The following SGCZ variants were observed in gnomAD, a reference collection of about 807,000 sequenced individuals.
The protein encoded by SGCZ is sarcoglycan zeta, also known as zeta-sarcoglycan.
Under a neutral mutation model 41.3 loss-of-function variants are expected in SGCZ, and 40 were observed. The ratio of observed to expected loss-of-function variants is 0.97; its 90% CI spans 0.75 to 1.26. The LOEUF is 1.26. SGCZ is among the 50% of genes most tolerant of loss of function. The probability of loss-of-function intolerance (pLI) is 0.00; values close to 1 mark genes in which losing one functional copy is unlikely to be tolerated. For synonymous variants in SGCZ, 206 were observed against 137.5 expected (o/e 1.50, Z -3.49); for missense variants, 552 against 369.8 (o/e 1.49, Z -4.04).
intron 2 of SGCZ, among the ~76,000 whole-genome samples, chr8:14,470,825 T>A (rs576362159): frequency 1.3e-5 from 2 of 152,302 alleles, no homozygotes; most frequent in East Asian, 3.9e-4. Context: ...TGCTTTGCCA[T>A]AGTCCTCCAC....
At chr8:14,454,144 A>G (rs1266405658) in intron 2 of SGCZ, among the ~76,000 whole-genome samples, 1 of 152,182 alleles carries the variant, frequency 6.6e-6, no homozygotes, top group East Asian at 1.9e-4. Context: ...ATGCACCTTC[A>G]GATATTCTGT....
chr8:14,872,843 A>C (rs28698884), intron 1 of SGCZ, among the ~76,000 whole-genome samples: 30,937 of 152,108 alleles, frequency 0.2, 3,532 homozygotes, highest in Admixed American at 0.29. Flanking sequence ...ACACTGACTT[A>C]ACCATAGTAG....
intron 1 of SGCZ, among the ~76,000 whole-genome samples, chr8:14,797,495 T>A (rs541953832): frequency 6.6e-6 from 1 of 152,158 alleles, no homozygotes; most frequent in East Asian, 1.9e-4. Flanking sequence ...GCAGAAGAAA[T>A]CTCTAAGTGG....
At chr8:15,223,883 G>C (rs983310999) in intron 1 of SGCZ, among the ~76,000 whole-genome samples, 8 of 114,884 alleles carry the variant, frequency 7.0e-5, no homozygotes, top group African/African-American at 3.0e-4. Context: ...TTTATTTATT[G>C]AGACAGAGTC....
At chr8:14,877,001 G>A (rs1804385701) in intron 1 of SGCZ, among the ~76,000 whole-genome samples, 1 of 152,102 alleles carries the variant, frequency 6.6e-6, no homozygotes, top group South Asian at 2.1e-4. Flanking sequence ...TTGAGACAGA[G>A]TCTCACCCTG....
At chr8:15,144,830 T>C (rs896101688) in intron 1 of SGCZ, among the ~76,000 whole-genome samples, 4 of 152,210 alleles carry the variant, frequency 2.6e-5, no homozygotes, top group Non-Finnish European at 5.9e-5. Flanking sequence ...TAGGGACACA[T>C]TAATTTTAAT....
At chr8:14,602,308 T>C (rs1805619397) in intron 1 of SGCZ, among the ~76,000 whole-genome samples, 2 of 152,102 alleles carry the variant, frequency 1.3e-5, no homozygotes, top group South Asian at 4.2e-4. Context: ...TTTATGACAG[T>C]GAGGTAAACT....
chr8:14,954,309 G>A lies in SGCZ; in HGVS notation c.39+283276C>T, dbSNP rs565498700. ...CAAAATAACATGAAAATTGATCAAA[G>A]ATTTGGAATTACACACAGCTACAGA... On this transcript the variant is annotated intron_variant, in intron 1 of 7. Transcript: ENST00000382080. Among the ~76,000 whole-genome samples, 134 of 152,276 alleles carry A rather than the reference G, an allele frequency of 8.8e-4. 2 individuals are homozygous for A. Among genetic ancestry groups the A allele is most frequent in the African/African-American group, 3.2e-3 (131 of 41,570 alleles).
chr8:14,895,485 T>C (rs1229736687), intron 1 of SGCZ, among the ~76,000 whole-genome samples: 1 of 152,096 alleles, frequency 6.6e-6, no homozygotes. Flanking sequence ...TGATAAGAAA[T>C]TCAAAGATGA....
intron 3 of SGCZ, among the ~76,000 whole-genome samples, chr8:14,314,841 G>T (rs12541209): frequency 0.67 from 101,324 of 151,908 alleles, 34,549 homozygotes; most frequent in Non-Finnish European, 0.76. Flanking sequence ...GAATGCTACC[G>T]TTTCTATGTT....
chr8:15,129,724 A>AAAAAT (rs1418975028), intron 1 of SGCZ, among the ~76,000 whole-genome samples: 1 of 151,624 alleles, frequency 6.6e-6, no homozygotes, highest in African/African-American at 2.4e-5. Flanking sequence ...AAAAAAAAAA[A>AAAAAT]ATCACAGTTC....
chr8:14,125,700 G>T (rs144951061), intron 5 of SGCZ, among the ~76,000 whole-genome samples: 1 of 152,058 alleles, frequency 6.6e-6, no homozygotes. Context: ...GACAAAGCTG[G>T]AGGCATCACA....
At chr8:15,012,403 C>G (rs182076589) in intron 1 of SGCZ, among the ~76,000 whole-genome samples, 1 of 149,906 alleles carries the variant, frequency 6.7e-6, no homozygotes, top group South Asian at 2.1e-4. Flanking sequence ...GTTCATGCTG[C>G]AGTGAGCTAT....
intron 4 of SGCZ, among the ~76,000 whole-genome samples, chr8:14,210,036 C>G (rs1486043037): frequency 6.6e-6 from 1 of 151,690 alleles, no homozygotes; most frequent in Non-Finnish European, 1.5e-5. Flanking sequence ...TTGTTATCTA[C>G]ACTATTAAGT....
At chr8:15,050,136 A>G (rs1207759774) in intron 1 of SGCZ, among the ~76,000 whole-genome samples, 1 of 152,186 alleles carries the variant, frequency 6.6e-6, no homozygotes, top group African/African-American at 2.4e-5. Context: ...ATTTACACGT[A>G]CAGTCTGTGT....
At chr8:14,444,377 G>T (rs979786503) in intron 2 of SGCZ, among the ~76,000 whole-genome samples, 3 of 152,022 alleles carry the variant, frequency 2.0e-5, no homozygotes, top group South Asian at 2.1e-4. Flanking sequence ...GTTTATTGCG[G>T]CACTATTCAC....
intron 1 of SGCZ, among the ~76,000 whole-genome samples, chr8:14,969,951 G>C (rs1183388081): frequency 6.6e-6 from 1 of 152,092 alleles, no homozygotes; most frequent in Non-Finnish European, 1.5e-5. Context: ...ATTCCAAAGT[G>C]ATTGTACCCT....
intron 5 of SGCZ, among the ~76,000 whole-genome samples, chr8:14,142,180 T>C (rs368523776): frequency 2.6e-4 from 39 of 151,860 alleles, no homozygotes; most frequent in African/African-American, 8.7e-4. Context: ...GGTGGAGGCA[T>C]GGGGGAGGGA....
At chr8:14,455,779 T>A (rs1281438572) in intron 2 of SGCZ, among the ~76,000 whole-genome samples, 1 of 152,192 alleles carries the variant, frequency 6.6e-6, no homozygotes, top group African/African-American at 2.4e-5. Context: ...TAAACAAGAA[T>A]GAGGACAGGC....
Sources: gnomAD v4.1 joint callset for allele counts (sites outside exome capture counted in the v4.1 genomes callset) on GRCh38, gnomAD v4.1.1 for gene constraint, MANE v1.5 for transcripts, NCBI Gene and HGNC (gene_info 2026-07-23, HGNC 2026-07-21) for gene names.